The following YEATS2 variants were observed in gnomAD, a reference collection of about 807,000 sequenced individuals.
YEATS2 encodes the protein YEATS domain containing 2, also known as YEATS domain-containing protein 2.
Under a neutral mutation model 163.2 loss-of-function variants are expected in YEATS2, and 77 were observed. The observed-to-expected ratio is 0.47, with a 90% CI of 0.39 to 0.57. The LOEUF (loss-of-function observed/expected upper bound fraction) is 0.57, where lower values mean the gene tolerates loss of function less well. YEATS2 is among the 20% of genes least tolerant of loss of function. YEATS2 has a pLI of 0.00. For synonymous variants in YEATS2, 631 were observed against 645.1 expected, an observed-to-expected ratio of 0.98 and a Z score of 0.33; for missense variants, 1,549 against 1,729.8, an observed-to-expected ratio of 0.90 and a Z score of 1.85.
chr3:183,715,029 T>A (rs1715690171), intron 1 of YEATS2, 115 bp from the exon 2 acceptor site: 1 of 563,230 alleles, frequency 1.8e-6, no homozygotes, highest in Non-Finnish European at 3.2e-6. Context: ...AATGTAATAT[T>A]TATTTATTTA....
intron 22 of YEATS2, 84 bp downstream of exon 22, chr3:183,798,135 T>C: frequency 6.3e-7 from 1 of 1,575,794 alleles, no homozygotes; most frequent in South Asian, 1.1e-5. Context: ...GCTCTGCCTG[T>C]GTACAGCCAC....
intron 13 of YEATS2, among the ~76,000 whole-genome samples, chr3:183,760,070 A>G (rs557206826): frequency 6.6e-6 from 1 of 152,276 alleles, no homozygotes; most frequent in Non-Finnish European, 1.5e-5. Flanking sequence ...ACTAATGATG[A>G]TATTGAATGA....
chr3:183,764,836 A>G (rs1009494807), intron 15 of YEATS2, among the ~76,000 whole-genome samples: 3 of 152,100 alleles, frequency 2.0e-5, no homozygotes, highest in African/African-American at 7.2e-5. Context: ...TCGTGGTGTT[A>G]TCGGTGGTTC....
chr3:183,793,340 A>G (rs938092415), intron 21 of YEATS2: 2 of 1,089,820 alleles, frequency 1.8e-6, no homozygotes, highest in Non-Finnish European at 2.3e-6. Flanking sequence ...AAGGCTGATT[A>G]TATTTTTCTC....
At chr3:183,703,734 G>A (rs140602261) in intron 1 of YEATS2, among the ~76,000 whole-genome samples, 2,261 of 152,162 alleles carry the variant, frequency 0.015, 27 homozygotes, top group Middle Eastern at 0.027. Flanking sequence ...TATATTCTTA[G>A]AGTGTACATT....
At chr3:183,793,782 C>T (rs263023) in intron 21 of YEATS2, among the ~76,000 whole-genome samples, 133,593 of 151,938 alleles carry the variant, frequency 0.88, 59,116 homozygotes, top group East Asian at 1. Flanking sequence ...CCCACTAATT[C>T]TTGTATTTTT....
intron 27 of YEATS2, among the ~76,000 whole-genome samples, chr3:183,805,607 G>A (rs553350525): frequency 5.9e-5 from 9 of 151,982 alleles, no homozygotes; most frequent in African/African-American, 1.9e-4. Flanking sequence ...TGGACAACAC[G>A]GTGAAACCTT....
chr3:183,795,802 C>G (rs953757242), intron 21 of YEATS2, among the ~76,000 whole-genome samples: 2 of 152,054 alleles, frequency 1.3e-5, no homozygotes, highest in Admixed American at 1.3e-4. Flanking sequence ...CATTGTTAAA[C>G]TCCTCAAGAT....
At chr3:183,730,079 TTTTTTTTTG>T in intron 7 of YEATS2, among the ~76,000 whole-genome samples, 1 of 116,726 alleles carries the variant, frequency 8.6e-6, no homozygotes, top group African/African-American at 4.1e-5. Flanking sequence ...TTTTTTTTTT[TTTTTTTTTG>T]GAGACACATC....
At chr3:183,759,915 G>A (rs1324158909) in intron 13 of YEATS2, among the ~76,000 whole-genome samples, 1 of 152,174 alleles carries the variant, frequency 6.6e-6, no homozygotes, top group African/African-American at 2.4e-5. Context: ...TTAGCTATTT[G>A]AAAATAATGC....
intron 15 of YEATS2, among the ~76,000 whole-genome samples, chr3:183,768,326 C>T (rs753561409): frequency 5.3e-5 from 8 of 152,144 alleles, no homozygotes; most frequent in South Asian, 4.1e-4. Flanking sequence ...GCCCGAAAGT[C>T]GCTCTCACTT....
chr3:183,799,613 G>A (rs1273617578), intron 23 of YEATS2, among the ~76,000 whole-genome samples: 1 of 152,134 alleles, frequency 6.6e-6, no homozygotes, highest in Non-Finnish European at 1.5e-5. Context: ...GAGTAGATCA[G>A]GATAGCACGG....
At chr3:183,807,794 G>T (rs1484758656) in intron 28 of YEATS2, 1 of 439,106 alleles carries the variant, frequency 2.3e-6, no homozygotes, top group Admixed American at 4.1e-5. Context: ...AGATTTGAGA[G>T]ATTTTAATAG....
In YEATS2 at chr3:183,724,609, G is replaced by T. The variant is rs1425973070; in HGVS notation, c.650+78G>T. 3 of 993,758 alleles carry T rather than the reference G, an allele frequency of 3.0e-6. No homozygotes were observed. In the East Asian group the frequency reaches 8.5e-5, roughly 28 times the overall value. 61.6% of individuals were successfully genotyped at this position (993,758 alleles called of 1,614,324 possible). ...GCATTAATACTCTTACAGTGTTACAGTAGGAAGCAGCCTCAGGGATTCTTT... is the reference window on the plus strand; with the variant it reads ...GCATTAATACTCTTACAGTGTTACATTAGGAAGCAGCCTCAGGGATTCTTT... On this transcript the variant is annotated intron_variant, in intron 6 of 30. Transcript: ENST00000305135.
chr3:183,755,741 CTTTTTTTTTTTTT>C (rs57050296), intron 11 of YEATS2, among the ~76,000 whole-genome samples: 15 of 82,206 alleles, frequency 1.8e-4, no homozygotes, highest in African/African-American at 4.8e-4. Flanking sequence ...TCCTTCCTTT[CTTTTTTTTTTTTT>C]TTTTTTTTTT....
chr3:183,712,187 C>CTGTTA (rs1715296293), intron 1 of YEATS2, among the ~76,000 whole-genome samples: 1 of 113,394 alleles, frequency 8.8e-6, no homozygotes, highest in Non-Finnish European at 1.8e-5. Context: ...ATTTTATGTT[C>CTGTTA]TTTTATTTTA....
At chr3:183,705,959 G>A (rs1714575204) in intron 1 of YEATS2, among the ~76,000 whole-genome samples, 1 of 151,520 alleles carries the variant, frequency 6.6e-6, no homozygotes, top group Non-Finnish European at 1.5e-5. Context: ...AGAATGGCCT[G>A]ACCCGGGAGG....
At chr3:183,784,340 T>C (rs1723851659) in intron 19 of YEATS2, among the ~76,000 whole-genome samples, 1 of 152,222 alleles carries the variant, frequency 6.6e-6, no homozygotes, top group African/African-American at 2.4e-5. Context: ...CTCTGGTGAT[T>C]AGTGATACGG....
intron 15 of YEATS2, among the ~76,000 whole-genome samples, chr3:183,763,601 T>C (rs889854386): frequency 3.9e-5 from 6 of 152,166 alleles, no homozygotes; most frequent in Admixed American, 2.0e-4. Flanking sequence ...AACAGTTTCC[T>C]TGGGAGCATT....
Sources: gnomAD v4.1 joint callset for allele counts (sites outside exome capture counted in the v4.1 genomes callset) on GRCh38, gnomAD v4.1.1 for gene constraint, MANE v1.5 for transcripts, NCBI Gene and HGNC (gene_info 2026-07-23, HGNC 2026-07-21) for gene names.